Variants in SLC35F1 observed in about 807,000 individuals in gnomAD.
SLC35F1 encodes the protein chromosome 6 open reading frame 169.
Under a neutral mutation model 48.7 loss-of-function variants are expected in SLC35F1, and 14 were observed. That is an observed-to-expected ratio of 0.29 (90% confidence interval 0.19 to 0.45). SLC35F1 has a LOEUF of 0.45. SLC35F1 is among the 20% of genes least tolerant of loss of function. The probability of loss-of-function intolerance (pLI) is 1.00; values close to 1 mark genes in which losing one functional copy is unlikely to be tolerated. For synonymous variants in SLC35F1, 190 were observed against 202.2 expected, an observed-to-expected ratio of 0.94 and a Z score of 0.51; for missense variants, 404 against 500.0, an observed-to-expected ratio of 0.81 and a Z score of 1.83.
chr6:118,295,113 T>G (rs559910856), intron 7 of SLC35F1, among the ~76,000 whole-genome samples: 34 of 152,286 alleles, frequency 2.2e-4, no homozygotes, highest in African/African-American at 8.2e-4. Flanking sequence ...CGTCAGCTCC[T>G]AAAATTATAT....
At chr6:118,198,698 A>T (rs1240420774) in intron 2 of SLC35F1, among the ~76,000 whole-genome samples, 1 of 152,170 alleles carries the variant, frequency 6.6e-6, no homozygotes, top group Non-Finnish European at 1.5e-5. Flanking sequence ...ATATACCCAT[A>T]TGTCACATTA....
Position 118,108,752 on chromosome 6 carries a change from C to G in SLC35F1, c.174-45693C>G, listed in dbSNP as rs192348849. ...TCTCCCCAGGTTGAAAACTTTCAAT[C>G]AAATACTCCCCTTTAAATTTTTTTT... On this transcript the variant is annotated intron_variant, in intron 1 of 7. Coordinates refer to ENST00000360388, the MANE Select transcript of SLC35F1 (RefSeq NM_001029858.4). Among the ~76,000 whole-genome samples, 3 of 152,204 alleles carry G rather than the reference C, an allele frequency of 2.0e-5. No homozygotes were observed. The East Asian group carries it at 5.8e-4, about 29-fold the overall frequency.
chr6:118,042,391 C>T (rs1048205230), intron 1 of SLC35F1, among the ~76,000 whole-genome samples: 2 of 152,158 alleles, frequency 1.3e-5, no homozygotes, highest in Admixed American at 6.6e-5. Context: ...ACTCTACCTG[C>T]ATAGAGTTTC....
At chr6:117,998,229 C>G (rs1431529983) in intron 1 of SLC35F1, among the ~76,000 whole-genome samples, 1 of 146,498 alleles carries the variant, frequency 6.8e-6, no homozygotes, top group East Asian at 2.0e-4. Context: ...AGCTAACTAT[C>G]CTAAATATAT....
chr6:118,246,535 C>G (rs533000564), intron 3 of SLC35F1, among the ~76,000 whole-genome samples: 74 of 152,244 alleles, frequency 4.9e-4, no homozygotes, highest in African/African-American at 1.8e-3. Flanking sequence ...AGAGGTGACA[C>G]CTGAACAGGA....
At chr6:118,157,226 C>A (rs1200684016) in intron 2 of SLC35F1, among the ~76,000 whole-genome samples, 1 of 152,018 alleles carries the variant, frequency 6.6e-6, no homozygotes, top group African/African-American at 2.4e-5. Context: ...TCAGGGCCCA[C>A]CCTGCCACTC....
At chr6:117,958,349 T>C (rs1776453324) in intron 1 of SLC35F1, among the ~76,000 whole-genome samples, 1 of 152,156 alleles carries the variant, frequency 6.6e-6, no homozygotes, top group African/African-American at 2.4e-5. Context: ...ATTTTAAAAA[T>C]AAATGTAGTA....
chr6:117,923,654 CATATGTAT>C (rs1380312150), intron 1 of SLC35F1, among the ~76,000 whole-genome samples: 3 of 54,056 alleles, frequency 5.5e-5, no homozygotes, highest in African/African-American at 1.2e-4. Flanking sequence ...TACATATGTA[CATATGTAT>C]ATATACATAT....
intron 2 of SLC35F1, among the ~76,000 whole-genome samples, chr6:118,193,885 T>G (rs1014540569): frequency 3.9e-5 from 6 of 152,220 alleles, no homozygotes; most frequent in African/African-American, 1.4e-4. Context: ...GCAAACCTAA[T>G]ATCTGACCTA....
At chr6:118,217,215 T>C (rs1159325852) in intron 2 of SLC35F1, among the ~76,000 whole-genome samples, 1 of 152,210 alleles carries the variant, frequency 6.6e-6, no homozygotes, top group Non-Finnish European at 1.5e-5. Flanking sequence ...TTGTGATGGC[T>C]AAGGTGGAAA....
chr6:118,278,269 T>G (rs928970789), intron 6 of SLC35F1, among the ~76,000 whole-genome samples: 24 of 152,180 alleles, frequency 1.6e-4, no homozygotes, highest in African/African-American at 5.8e-4. Flanking sequence ...AGAACGTGGC[T>G]TATGGAATTG....
intron 1 of SLC35F1, among the ~76,000 whole-genome samples, chr6:117,997,517 C>T (rs1777013643): frequency 6.6e-6 from 1 of 152,054 alleles, no homozygotes; most frequent in South Asian, 2.1e-4. Context: ...TTAAGGGCAG[C>T]CAGAGAGAAA....
At chr6:118,309,191 G>A (rs1391383118) in intron 7 of SLC35F1, among the ~76,000 whole-genome samples, 1 of 151,624 alleles carries the variant, frequency 6.6e-6, no homozygotes, top group Non-Finnish European at 1.5e-5. Flanking sequence ...GTGTGTGTGT[G>A]TGTGTGTGTG....
chr6:117,930,786 T>G lies in SLC35F1; in HGVS notation c.173+22887T>G, dbSNP rs1049905307. 8.5e-5 allele frequency among the ~76,000 whole-genome samples: 13 copies of G among 152,134 alleles called. 1 individual carries two copies. The highest frequency in any genetic ancestry group is 3.1e-4 in the African/African-American group (13 of 41,430). On this transcript the variant is annotated intron_variant, in intron 1 of 7. Coordinates refer to ENST00000360388, the MANE Select transcript of SLC35F1 (RefSeq NM_001029858.4). ...AACTCACTGCAGTTCCTGGTGCAGA[T>G]TTCTGTTGCAGTGGGCACTTAGTAA...
intron 2 of SLC35F1, among the ~76,000 whole-genome samples, chr6:118,184,440 C>T (rs1774628164): frequency 6.6e-6 from 1 of 152,168 alleles, no homozygotes; most frequent in African/African-American, 2.4e-5. Flanking sequence ...CTCCTCAGGA[C>T]CAAGATACCA....
At chr6:118,286,168 T>C (rs1246689494) in intron 7 of SLC35F1, among the ~76,000 whole-genome samples, 1 of 152,042 alleles carries the variant, frequency 6.6e-6, no homozygotes, top group East Asian at 1.9e-4. Context: ...ATATGGAATG[T>C]CCAAGCAGAT....
At chr6:118,053,836 A>G (rs1339009849) in intron 1 of SLC35F1, among the ~76,000 whole-genome samples, 1 of 152,164 alleles carries the variant, frequency 6.6e-6, no homozygotes, top group Non-Finnish European at 1.5e-5. Flanking sequence ...GATGAATTTT[A>G]TAATTACTGG....
chr6:118,173,008 C>T (rs1643758864), intron 2 of SLC35F1, among the ~76,000 whole-genome samples: 1 of 152,024 alleles, frequency 6.6e-6, no homozygotes, highest in Admixed American at 6.6e-5. Flanking sequence ...ATACTGTGCA[C>T]TATTTCAAGC....
intron 3 of SLC35F1, among the ~76,000 whole-genome samples, chr6:118,240,501 A>G (rs1307016143): frequency 6.6e-6 from 1 of 152,236 alleles, no homozygotes; most frequent in Admixed American, 6.5e-5. Flanking sequence ...AAGACACTGT[A>G]TTAGGTGGTG....
Sources: gnomAD v4.1 joint callset for allele counts (sites outside exome capture counted in the v4.1 genomes callset) on GRCh38, gnomAD v4.1.1 for gene constraint, MANE v1.5 for transcripts, NCBI Gene and HGNC (gene_info 2026-07-23, HGNC 2026-07-21) for gene names.